Variants in ELAVL3 observed in about 807,000 individuals in gnomAD.
The protein encoded by ELAVL3 is ELAV-like protein 3.
A neutral mutation model predicts 34.2 loss-of-function variants in ELAVL3; 8 were observed. That is an observed-to-expected ratio of 0.23 (90% CI 0.14 to 0.42). The LOEUF (loss-of-function observed/expected upper bound fraction) is 0.42, where lower values mean the gene tolerates loss of function less well. Ranked by LOEUF, ELAVL3 falls within the 10% of genes least tolerant of loss-of-function variation. ELAVL3 has a pLI of 1.00. For missense variants in ELAVL3, 273 were observed against 518.8 expected (o/e 0.53, Z 4.60); for synonymous variants, 209 against 222.1 (o/e 0.94, Z 0.53).
Position 11,454,111 on chromosome 19 carries a change from G to A in ELAVL3, c.*415C>T, listed in dbSNP as rs1970715276. 5.9e-6 allele frequency: 1 copy of A among 168,374 alleles called. No individual in the cohort carries two copies. Among genetic ancestry groups the A allele is most frequent in the Non-Finnish European group, 1.3e-5 (1 of 77,798 alleles). The allele number at this position is 168,374 out of a possible 1,614,324, so 10.4% of individuals were successfully genotyped here. ...TCCTCCTACCCCAGGCCCCACCTAG[G>A]TGCTGGGGAGGCCTGGGCAAGGGGG... On this transcript the variant is annotated 3_prime_UTR_variant, in exon 7 of 7. Transcript: ENST00000359227. This position sits in a 1 kb window ranked among gnomAD's most constrained non-coding sequence, Gnocchi z 9.2.
chr19:11,467,292 C>A (rs964173197), intron 1 of ELAVL3, among the ~76,000 whole-genome samples: 1 of 151,708 alleles, frequency 6.6e-6, no homozygotes, highest in African/African-American at 2.4e-5. Context: ...CGTGGTGGCG[C>A]ATGCCTGTAA....
In ELAVL3 at chr19:11,454,989, G is replaced by T; in HGVS notation, c.753-112C>A. ...CTGTGCCATGACCTTGGAATGGTGT[G>T]ACCCCTGCAATGCAATTTTTTTTTT... On this transcript the variant is annotated intron_variant, in intron 6 of 6. Transcript: ENST00000359227. The surrounding 1 kb of genome is among the most constrained non-coding windows in gnomAD (Gnocchi z 9.2). The T allele has an allele frequency of 8.0e-7, 1 of 1,255,744 alleles. No homozygotes were observed. Among genetic ancestry groups the T allele is most frequent in the Non-Finnish European group, 1.1e-6 (1 of 911,296 alleles). 77.8% of individuals were successfully genotyped at this position (1,255,744 alleles called of 1,614,324 possible).
chr19:11,477,837 C>T (rs1473945774), intron 1 of ELAVL3, among the ~76,000 whole-genome samples: 1 of 152,016 alleles, frequency 6.6e-6, no homozygotes. Context: ...CACAGGTGTG[C>T]ACCATCGCGC....
At chr19:11,457,463 A>G (rs1037821083) in intron 5 of ELAVL3, among the ~76,000 whole-genome samples, 1 of 152,228 alleles carries the variant, frequency 6.6e-6, no homozygotes, top group Non-Finnish European at 1.5e-5. Flanking sequence ...CAAAGGCGAC[A>G]GTAACTACCA....
Position 11,454,538 on chromosome 19 carries a change from C to A in ELAVL3, c.1092G>T (p.Gln364His). The stretch of plus-strand genomic sequence containing the variant: ...AGGCGGGGTGGGCTCACGCCTTGTG[C>A]TGTTTGCTGGTCTTGAAGGAGACCT... ...VLQVSFKTSK[Q>H]HKA The change falls in exon 7 of 7, where the codon CAG becomes CAT. Residue 364 changes from glutamine to histidine, a missense_variant. By Grantham distance (24) the Gln-to-His change is conservative (BLOSUM62 0). Coordinates refer to ENST00000359227, the MANE Select transcript of ELAVL3 (RefSeq NM_001420.4). The surrounding 1 kb of genome is among the most constrained non-coding windows in gnomAD (Gnocchi z 9.2). 3.1e-6 allele frequency: 5 copies of A among 1,608,000 alleles called. No homozygotes were observed. The highest frequency in any genetic ancestry group is 4.2e-6 in the Non-Finnish European group (5 of 1,176,494).
At chr19:11,465,490 A>C (rs942308547) in intron 3 of ELAVL3, among the ~76,000 whole-genome samples, 13 of 152,248 alleles carry the variant, frequency 8.5e-5, no homozygotes, top group Middle Eastern at 6.8e-3. Context: ...TTGGGTCACA[A>C]CTTCACTCCC....
chr19:11,458,037 C>A lies in ELAVL3; in HGVS notation c.713+24G>T, dbSNP rs751306938. 5 of 1,606,184 alleles carry A rather than the reference C, an allele frequency of 3.1e-6. No individual in the cohort carries two copies. Among genetic ancestry groups the A allele is most frequent in the Non-Finnish European group, 4.2e-6 (5 of 1,178,860 alleles). On this transcript the variant is annotated intron_variant, in intron 5 of 6. Coordinates refer to ENST00000359227, the MANE Select transcript of ELAVL3 (RefSeq NM_001420.4). This position sits in a 1 kb window ranked among gnomAD's most constrained non-coding sequence, Gnocchi z 7.3. Reference sequence around the variant, plus strand: ...AAGCTTGGGGGCACCCGGCCTGGGGCCATCTGGCTGGCAGGGGGCTCACCG... The same window carrying A: ...AAGCTTGGGGGCACCCGGCCTGGGGACATCTGGCTGGCAGGGGGCTCACCG...
At chr19:11,459,607 C>T (rs1970842560) in intron 3 of ELAVL3, among the ~76,000 whole-genome samples, 1 of 146,064 alleles carries the variant, frequency 6.8e-6, no homozygotes, top group Non-Finnish European at 1.5e-5. Flanking sequence ...GAAACAGGAT[C>T]TCACTGTGTT....
intron 5 of ELAVL3, 151 bp from the exon 6 acceptor site, chr19:11,457,299 G>A: frequency 1.2e-6 from 1 of 840,318 alleles, no homozygotes; most frequent in Middle Eastern, 3.4e-4. Context: ...GCTAGACACT[G>A]CCTGGCACGG....
intron 1 of ELAVL3, among the ~76,000 whole-genome samples, chr19:11,469,005 T>C (rs567874566): frequency 7.9e-5 from 12 of 152,280 alleles, no homozygotes; most frequent in Non-Finnish European, 1.6e-4. Flanking sequence ...CTGCAACCTC[T>C]GCCTTCCAGG....
At chr19:11,461,713 C>A (rs1395720550) in intron 3 of ELAVL3, among the ~76,000 whole-genome samples, 2 of 151,996 alleles carry the variant, frequency 1.3e-5, no homozygotes, top group Non-Finnish European at 2.9e-5. Context: ...ATCCTCCCAC[C>A]CTCGGCCTCC....
Position 11,454,451 on chromosome 19 carries a change from C to CTCTCTCTCTCTCTCTCTT in ELAVL3, c.*57_*74dup, listed in dbSNP as rs936882896. On this transcript the variant is annotated 3_prime_UTR_variant, in exon 7 of 7. Transcript: ENST00000359227. The surrounding 1 kb of genome is among the most constrained non-coding windows in gnomAD (Gnocchi z 9.2). Reference sequence around the variant, plus strand: ...CTGTGCTGTCTCTCTTGGGCCCCTTCTCTCTCTCTCTCTCTCTTTCTCTCT... The same window carrying CTCTCTCTCTCTCTCTCTT: ...CTGTGCTGTCTCTCTTGGGCCCCTTCTCTCTCTCTCTCTCTCTTTCTCTCTCTCTCTCTCTTTCTCTCT... 2.2e-4 allele frequency: 143 copies of CTCTCTCTCTCTCTCTCTT among 636,480 alleles called. No homozygotes were observed. In the South Asian group the frequency reaches 4.0e-3, roughly 18 times the overall value. 39.4% of individuals were successfully genotyped at this position (636,480 alleles called of 1,614,324 possible). A position where few individuals can be genotyped will look rare whatever the true frequency, so the allele number is the denominator to read the frequency against.
chr19:11,463,010 C>T (rs996492075), intron 3 of ELAVL3, among the ~76,000 whole-genome samples: 1 of 150,662 alleles, frequency 6.6e-6, no homozygotes, highest in Non-Finnish European at 1.5e-5. Context: ...ATGTATTTGA[C>T]AGTTTTCTCT....
In ELAVL3 at chr19:11,458,313, C is replaced by T. The variant is rs191370629; in HGVS notation, c.488-27G>A. ...TGCCAGGGGGCAGGGATGTCCATCA[C>T]GACGACCCTGTCCCCTCCTGTGTAA... On this transcript the variant is annotated intron_variant, in intron 4 of 6. Transcript: ENST00000359227. This position sits in a 1 kb window ranked among gnomAD's most constrained non-coding sequence, Gnocchi z 7.3. 2,522 of 1,611,624 alleles carry T rather than the reference C, an allele frequency of 1.6e-3. 1 individual carries two copies. The highest frequency in any genetic ancestry group is 2.0e-3 in the Non-Finnish European group (2,367 of 1,178,834).
At chr19:11,467,246 A>G (rs1305379165) in intron 1 of ELAVL3, among the ~76,000 whole-genome samples, 1 of 151,900 alleles carries the variant, frequency 6.6e-6, no homozygotes, top group Non-Finnish European at 1.5e-5. Flanking sequence ...AACATGGAGA[A>G]ACTCCATCTC....
At chr19:11,476,126 CATT>C (rs1971258340) in intron 1 of ELAVL3, among the ~76,000 whole-genome samples, 1 of 152,224 alleles carries the variant, frequency 6.6e-6, no homozygotes, top group Non-Finnish European at 1.5e-5. Context: ...CGTCTCCTAA[CATT>C]AATACTTAAC....
chr19:11,458,007 G>T lies in ELAVL3; in HGVS notation c.713+54C>A, dbSNP rs1970805180. On this transcript the variant is annotated intron_variant, in intron 5 of 6. Coordinates refer to ENST00000359227, the MANE Select transcript of ELAVL3 (RefSeq NM_001420.4). The surrounding 1 kb of genome is among the most constrained non-coding windows in gnomAD (Gnocchi z 7.3). The stretch of plus-strand genomic sequence containing the variant: ...TCGGCAGGAATGGGGTTCAGGGAGG[G>T]TTGCAAGCTTGGGGGCACCCGGCCT... 4.5e-6 allele frequency: 7 copies of T among 1,565,632 alleles called. No individual in the cohort carries two copies. The Admixed American group carries it at 5.0e-5, about 11-fold the overall frequency.
At chr19:11,460,400 G>A (rs552013565) in intron 3 of ELAVL3, among the ~76,000 whole-genome samples, 74 of 145,294 alleles carry the variant, frequency 5.1e-4, no homozygotes, top group Non-Finnish European at 8.5e-4. Context: ...GTGAACACCT[G>A]AGCCAGGTCG....
intron 5 of ELAVL3, 127 bp downstream of exon 5, chr19:11,457,934 T>C: frequency 1.0e-6 from 1 of 979,410 alleles, no homozygotes; most frequent in South Asian, 1.6e-5. Context: ...ACCTGACAGA[T>C]AGGCTCCTTG....
Sources: gnomAD v4.1 joint callset for allele counts (sites outside exome capture counted in the v4.1 genomes callset) on GRCh38, gnomAD v4.1.1 for gene constraint, Gnocchi (gnomAD v3.1) non-coding constraint, MANE v1.5 for transcripts, NCBI Gene and HGNC (gene_info 2026-07-23, HGNC 2026-07-21) for gene names.